Variants in HK1 observed in about 807,000 individuals in gnomAD.
HK1 encodes the protein hexokinase 1, also known as hexokinase-1.
HK1 carries 28 observed loss-of-function variants against 91.6 expected under a neutral mutation model. The observed-to-expected ratio is 0.31, with a 90% CI of 0.23 to 0.42. The LOEUF is 0.42. HK1 is among the 10% of genes least tolerant of loss of function. HK1 has a pLI of 1.00. For synonymous variants in HK1, 430 were observed against 468.1 expected (o/e 0.92, Z 1.05); for missense variants, 770 against 1,219.8 (o/e 0.63, Z 5.49).
At position 69,393,050 on chromosome 10, in the gene HK1, C is replaced by T. The variant is rs144282021; in HGVS notation, c.2219+742C>T. ...AGGCTGGAGTGCAATGGCGTGATCT[C>T]GGCTCACCACAACCTCCACCTCCCG... On this transcript the variant is annotated intron_variant, in intron 15 of 17. Transcript: ENST00000359426. Among the ~76,000 whole-genome samples, 151 of 152,308 alleles carry T rather than the reference C, an allele frequency of 9.9e-4. 1 individual carries two copies. The East Asian group carries it at 0.024, about 25-fold the overall frequency.
chr10:69,381,963 C>T (rs528829959), intron 9 of HK1, among the ~76,000 whole-genome samples: 1 of 152,354 alleles, frequency 6.6e-6, no homozygotes, highest in East Asian at 1.9e-4. Flanking sequence ...ATGTGATACT[C>T]ATGTAATAAT....
chr10:69,338,377 CATCCCAG>C, intron 1 of HK1: 1 of 1,192,436 alleles, frequency 8.4e-7, no homozygotes, highest in South Asian at 1.5e-5. Context: ...TTCCCATTTC[CATCCCAG>C]CCTGACCAGA....
chr10:69,335,684 T>C (rs1458654803), intron 1 of HK1, among the ~76,000 whole-genome samples: 11 of 152,234 alleles, frequency 7.2e-5, no homozygotes, highest in African/African-American at 2.4e-5. Flanking sequence ...GACAGGATGC[T>C]GTAAGGACCA....
chr10:69,295,011 C>CAG (rs3086615), intron 3 of HK1, among the ~76,000 whole-genome samples: 45,008 of 124,814 alleles, frequency 0.36, 8,019 homozygotes, highest in African/African-American at 0.39. Flanking sequence ...GCCTGGGCAA[C>CAG]AGAGAGAGAG....
intron 1 of HK1, among the ~76,000 whole-genome samples, chr10:69,332,478 A>G (rs1847787417): frequency 6.6e-6 from 1 of 151,764 alleles, no homozygotes; most frequent in Non-Finnish European, 1.5e-5. Context: ...TCCCTGGTTC[A>G]AGCGGTTCTC....
At chr10:69,392,048 G>GCCCCAGA in intron 14 of HK1, 77 bp from the exon 15 acceptor site, 1 of 1,475,106 alleles carries the variant, frequency 6.8e-7, no homozygotes, top group Non-Finnish European at 9.5e-7. Context: ...GGAACCTCAG[G>GCCCCAGA]CCCCAGACCC....
At chr10:69,352,395 A>T (rs1485321586) in intron 2 of HK1, among the ~76,000 whole-genome samples, 1 of 152,194 alleles carries the variant, frequency 6.6e-6, no homozygotes, top group Non-Finnish European at 1.5e-5. Flanking sequence ...AATGCCACAA[A>T]GTCGGGGTCA....
chr10:69,352,231 G>A (rs990230006), intron 2 of HK1, among the ~76,000 whole-genome samples: 1 of 152,072 alleles, frequency 6.6e-6, no homozygotes, highest in African/African-American at 2.4e-5. Flanking sequence ...GACCTCAAGT[G>A]ATCCACCCGC....
chr10:69,386,173 A>G (rs1284297436), intron 12 of HK1, 150 bp from the exon 13 acceptor site: 3 of 697,158 alleles, frequency 4.3e-6, no homozygotes, highest in Non-Finnish European at 5.3e-6. Flanking sequence ...GTCTATTCAT[A>G]TTTTATTGGT....
At chr10:69,324,435 A>T (rs10998716) in intron 1 of HK1, among the ~76,000 whole-genome samples, 67,492 of 151,598 alleles carry the variant, frequency 0.45, 15,974 homozygotes, top group South Asian at 0.57. Context: ...TACTAAAAAT[A>T]CAAAAAAGGT....
intron 2 of HK1, among the ~76,000 whole-genome samples, chr10:69,345,784 C>G (rs550924192): frequency 2.0e-4 from 31 of 152,262 alleles, no homozygotes; most frequent in African/African-American, 6.3e-4. Context: ...CAAACTGTTT[C>G]CAGGATTGAG....
intron 5 of HK1, among the ~76,000 whole-genome samples, chr10:69,310,336 G>T (rs975026798): frequency 1.3e-5 from 2 of 148,584 alleles, no homozygotes; most frequent in African/African-American, 5.0e-5. Flanking sequence ...CATGAGAATC[G>T]CCTGAACCCA....
At chr10:69,322,827 T>C (rs1847117640) in intron 1 of HK1, among the ~76,000 whole-genome samples, 1 of 148,706 alleles carries the variant, frequency 6.7e-6, no homozygotes, top group South Asian at 2.1e-4. Flanking sequence ...AAGGCAGAGG[T>C]TGCGGTGAGC....
At chr10:69,361,633 C>T (rs528074581) in intron 3 of HK1, among the ~76,000 whole-genome samples, 106 of 152,174 alleles carry the variant, frequency 7.0e-4, no homozygotes, top group African/African-American at 2.4e-3. Context: ...AAGGGAGTAC[C>T]CTCACCTTCT....
intron 13 of HK1, 64 bp from the exon 14 acceptor site, chr10:69,389,133 C>A: frequency 8.0e-7 from 1 of 1,253,994 alleles, no homozygotes; most frequent in Non-Finnish European, 1.2e-6. Context: ...ACAGACAGAA[C>A]CGGCAGCATT....
chr10:69,351,440 C>T (rs1160352463), intron 2 of HK1, among the ~76,000 whole-genome samples: 2 of 151,818 alleles, frequency 1.3e-5, no homozygotes, highest in East Asian at 1.9e-4. Flanking sequence ...ACCCCGGAGG[C>T]GGAGGTTGCA....
intron 2 of HK1, among the ~76,000 whole-genome samples, chr10:69,358,356 C>T (rs1849237742): frequency 6.6e-6 from 1 of 152,230 alleles, no homozygotes; most frequent in South Asian, 2.1e-4. Context: ...CAGTCCTGCT[C>T]TGCCCCCTGA....
intron 9 of HK1, 54 bp from the exon 10 acceptor site, chr10:69,382,433 C>T (rs954681388): frequency 3.2e-6 from 5 of 1,566,562 alleles, no homozygotes; most frequent in Middle Eastern, 1.7e-4. Context: ...GGCCGGAGGT[C>T]CCCAATAAAT....
chr10:69,381,899 T>G (rs1839407476), intron 9 of HK1, among the ~76,000 whole-genome samples: 1 of 152,258 alleles, frequency 6.6e-6, no homozygotes, highest in South Asian at 2.1e-4. Flanking sequence ...CTGTGCTGTA[T>G]TATCTTCCTG....
Sources: allele counts gnomAD v4.1 joint callset (sites outside exome capture counted in the v4.1 genomes callset), GRCh38; gene constraint gnomAD v4.1.1; transcripts MANE v1.5; gene names NCBI Gene and HGNC (gene_info 2026-07-23, HGNC 2026-07-21).